The following RBMS3 variants were observed in gnomAD, a reference collection of about 807,000 sequenced individuals.
The protein encoded by RBMS3 is RNA binding motif single stranded interacting protein 3.
A neutral mutation model predicts 66.8 loss-of-function variants in RBMS3; 27 were observed. The observed-to-expected ratio is 0.40, with a 90% CI of 0.30 to 0.56. The LOEUF is 0.56. RBMS3 is among the 20% of genes least tolerant of loss of function. The probability of loss-of-function intolerance (pLI) is 0.40; values close to 1 mark genes in which losing one functional copy is unlikely to be tolerated. For synonymous variants in RBMS3, 188 were observed against 183.0 expected, an observed-to-expected ratio of 1.03 and a Z score of -0.22; for missense variants, 513 against 549.5, an observed-to-expected ratio of 0.93 and a Z score of 0.66.
chr3:29,282,695 GT>G (rs2031915759), intron 1 of RBMS3, among the ~76,000 whole-genome samples: 2 of 152,044 alleles, frequency 1.3e-5, no homozygotes, highest in South Asian at 4.1e-4. Flanking sequence ...ATATTATTTT[GT>G]ATTGCATTAG....
chr3:29,619,270 A>T (rs1462859640), intron 4 of RBMS3, among the ~76,000 whole-genome samples: 1 of 68,080 alleles, frequency 1.5e-5, no homozygotes, highest in African/African-American at 6.9e-5. Context: ...TATTTTATGT[A>T]AAAAAAAAAA....
intron 14 of RBMS3, among the ~76,000 whole-genome samples, chr3:30,001,629 T>A (rs534940770): frequency 7.5e-4 from 114 of 152,094 alleles, no homozygotes; most frequent in Non-Finnish European, 1.4e-3. Context: ...GCAAATTATG[T>A]CCTTCACATT....
chr3:29,944,362 A>C, intron 12 of RBMS3, 108 bp downstream of exon 12: 1 of 915,116 alleles, frequency 1.1e-6, no homozygotes, highest in Non-Finnish European at 1.7e-6. Flanking sequence ...AGGTGGGTGC[A>C]GGAAATTTGA....
At chr3:29,671,404 A>G (rs977661364) in intron 4 of RBMS3, among the ~76,000 whole-genome samples, 5 of 152,240 alleles carry the variant, frequency 3.3e-5, no homozygotes, top group Non-Finnish European at 7.3e-5. Flanking sequence ...CTCGCTAGCA[A>G]TAGAACAAAG....
chr3:29,304,970 T>A lies in RBMS3; in HGVS notation c.75+23214T>A, dbSNP rs116212717. 9.1e-3 allele frequency among the ~76,000 whole-genome samples: 1,385 copies of A among 152,026 alleles called. 4 individuals carry two copies. Among genetic ancestry groups the A allele is most frequent in the Middle Eastern group, 0.017 (5 of 294 alleles). Reference sequence around the variant, plus strand: ...CTGCTTCTTGAAACACCAAGTTTGCTCTTACCAACTATCTTCTCTGCCCCT... The same window carrying A: ...CTGCTTCTTGAAACACCAAGTTTGCACTTACCAACTATCTTCTCTGCCCCT... On this transcript the variant is annotated intron_variant, in intron 1 of 14. Coordinates refer to ENST00000383767, the MANE Select transcript of RBMS3 (RefSeq NM_001003793.3).
intron 6 of RBMS3, among the ~76,000 whole-genome samples, chr3:29,794,314 C>T (rs1283790613): frequency 5.9e-5 from 9 of 152,128 alleles, no homozygotes; most frequent in South Asian, 2.1e-4. Flanking sequence ...TGGCGGGGCA[C>T]GGTGGCTCAC....
chr3:29,992,088 A>T (rs1181908898), intron 14 of RBMS3, among the ~76,000 whole-genome samples: 1 of 152,132 alleles, frequency 6.6e-6, no homozygotes, highest in East Asian at 1.9e-4. Context: ...TGGCATGCAA[A>T]CTATTCAACT....
chr3:29,799,394 C>T (rs527487459), intron 6 of RBMS3, among the ~76,000 whole-genome samples: 1 of 152,256 alleles, frequency 6.6e-6, no homozygotes, highest in Admixed American at 6.5e-5. Flanking sequence ...CAAATATTTA[C>T]ACCTAATAAA....
intron 4 of RBMS3, among the ~76,000 whole-genome samples, chr3:29,722,733 T>G (rs1422952360): frequency 2.0e-5 from 3 of 152,114 alleles, no homozygotes; most frequent in African/African-American, 7.2e-5. Context: ...GGGATGTTTT[T>G]CTATGATTAG....
At chr3:29,724,491 A>C (rs978258440) in intron 4 of RBMS3, among the ~76,000 whole-genome samples, 24 of 152,146 alleles carry the variant, frequency 1.6e-4, no homozygotes, top group Admixed American at 3.9e-4. Flanking sequence ...TTTGCTGAGA[A>C]GTGTTAATAA....
chr3:29,944,521 G>T (rs906201860), intron 12 of RBMS3, among the ~76,000 whole-genome samples: 2 of 151,622 alleles, frequency 1.3e-5, no homozygotes, highest in Admixed American at 6.6e-5. Context: ...ACAGAAGATA[G>T]AGTCTGTGTT....
At chr3:29,950,808 A>C (rs1695634222) in intron 12 of RBMS3, among the ~76,000 whole-genome samples, 1 of 151,924 alleles carries the variant, frequency 6.6e-6, no homozygotes, top group African/African-American at 2.4e-5. Flanking sequence ...TGCCACAGCA[A>C]ACCAAATTGT....
chr3:29,404,847 C>T (rs2039948194), intron 1 of RBMS3, among the ~76,000 whole-genome samples: 3 of 152,050 alleles, frequency 2.0e-5, no homozygotes, highest in African/African-American at 7.2e-5. Flanking sequence ...TGAAAAAGTA[C>T]ATACCGAAAA....
At chr3:29,983,737 C>T (rs1373184547) in intron 12 of RBMS3, among the ~76,000 whole-genome samples, 2 of 150,798 alleles carry the variant, frequency 1.3e-5, no homozygotes, top group African/African-American at 5.0e-5. Flanking sequence ...TGAATATTTG[C>T]CACCATTCTC....
chr3:29,614,882 A>T (rs760718751), intron 4 of RBMS3: 4 of 152,184 alleles, frequency 2.6e-5, no homozygotes, highest in African/African-American at 4.8e-5. Flanking sequence ...CATTTACGTA[A>T]CTGTTTACTC....
At chr3:29,343,406 A>G (rs1217815923) in intron 1 of RBMS3, among the ~76,000 whole-genome samples, 5 of 152,168 alleles carry the variant, frequency 3.3e-5, no homozygotes, top group Admixed American at 1.3e-4. Context: ...TTGACATATT[A>G]ACTACTTTAG....
chr3:29,379,884 A>G (rs530331351), intron 1 of RBMS3, among the ~76,000 whole-genome samples: 1 of 152,334 alleles, frequency 6.6e-6, no homozygotes, highest in South Asian at 2.1e-4. Context: ...TCTAAAGGAA[A>G]TAAGCAAGGG....
intron 4 of RBMS3, among the ~76,000 whole-genome samples, chr3:29,588,349 A>T (rs1186601640): frequency 3.3e-5 from 5 of 152,104 alleles, no homozygotes; most frequent in African/African-American, 1.2e-4. Flanking sequence ...CTGCTCGTGT[A>T]TACATTTAAG....
At chr3:30,000,746 G>A (rs1436381428) in intron 14 of RBMS3, among the ~76,000 whole-genome samples, 3 of 152,098 alleles carry the variant, frequency 2.0e-5, no homozygotes, top group Non-Finnish European at 4.4e-5. Context: ...TAGGGACATG[G>A]ATGAAACTGG....
Sources: gnomAD v4.1 joint callset for allele counts (sites outside exome capture counted in the v4.1 genomes callset) on GRCh38, gnomAD v4.1.1 for gene constraint, MANE v1.5 for transcripts, NCBI Gene and HGNC (gene_info 2026-07-23, HGNC 2026-07-21) for gene names.